Variants in PLD5 observed in about 807,000 individuals in gnomAD.
The protein encoded by PLD5 is inactive phospholipase D5.
In PLD5, 36 loss-of-function variants were observed where a neutral mutation model predicts 61.1. That is an observed-to-expected ratio of 0.59 (90% CI 0.45 to 0.78). The LOEUF (loss-of-function observed/expected upper bound fraction) is 0.78. Among genes scored for constraint, PLD5 ranks in the 30% least tolerant of loss-of-function variants. The probability of loss-of-function intolerance (pLI) is 0.00; values close to 1 mark genes in which losing one functional copy is unlikely to be tolerated. For missense variants in PLD5, 515 were observed against 644.4 expected (o/e 0.80, Z 2.17); for synonymous variants, 243 against 242.8 (o/e 1.00, Z -0.01).
At chr1:242,130,591 C>G (rs561225988) in intron 5 of PLD5, among the ~76,000 whole-genome samples, 3 of 152,298 alleles carry the variant, frequency 2.0e-5, no homozygotes, top group African/African-American at 7.2e-5. Context: ...TCCCTTTTCT[C>G]CATACCCTCA....
chr1:242,377,051 G>A, intron 1 of PLD5: 1 of 1,611,734 alleles, frequency 6.2e-7, no homozygotes, highest in South Asian at 1.1e-5. Flanking sequence ...CTGACACGGT[G>A]CCATCAGGGG....
chr1:242,400,039 G>T (rs1419390187), intron 1 of PLD5, among the ~76,000 whole-genome samples: 1 of 152,072 alleles, frequency 6.6e-6, no homozygotes, highest in African/African-American at 2.4e-5. Context: ...TTGGTGGCAG[G>T]CGCCTGTAAT....
At chr1:242,214,178 ACT>A (rs914812910) in intron 5 of PLD5, among the ~76,000 whole-genome samples, 25 of 152,106 alleles carry the variant, frequency 1.6e-4, no homozygotes, top group African/African-American at 5.8e-4. Flanking sequence ...ATGCTTTAAC[ACT>A]GTTTACTGAT....
intron 7 of PLD5, among the ~76,000 whole-genome samples, chr1:242,112,321 GTGTA>G (rs1240993231): frequency 3.2e-4 from 26 of 82,446 alleles, no homozygotes; most frequent in Non-Finnish European, 4.8e-4. Context: ...GTGTGTGTGT[GTGTA>G]TGTATGTATA....
rs533934996 is a variant in PLD5, at chr1:242,454,136, C to G, written c.189+69952G>C. On this transcript the variant is annotated intron_variant, in intron 1 of 9. Coordinates refer to ENST00000536534, the MANE Select transcript of PLD5 (RefSeq NM_001372062.1). Reference sequence around the variant, plus strand: ...CTTGAGGTCAGGAGTTTGAGACCAGCCTGGTCAGCATGGTGAGACCCCTGT... The same window carrying G: ...CTTGAGGTCAGGAGTTTGAGACCAGGCTGGTCAGCATGGTGAGACCCCTGT... 3.9e-5 allele frequency among the ~76,000 whole-genome samples: 6 copies of G among 152,134 alleles called. No individual in the cohort carries two copies. The South Asian group carries it at 1.2e-3, about 32-fold the overall frequency.
intron 1 of PLD5, among the ~76,000 whole-genome samples, chr1:242,523,681 T>C (rs1056175380): frequency 1.3e-5 from 2 of 152,194 alleles, no homozygotes; most frequent in Admixed American, 1.3e-4. Flanking sequence ...GTTTTTGGAC[T>C]GAGTAAAACA....
intron 1 of PLD5, among the ~76,000 whole-genome samples, chr1:242,509,728 A>C (rs1345600813): frequency 6.6e-6 from 1 of 152,108 alleles, no homozygotes; most frequent in East Asian, 1.9e-4. Flanking sequence ...AATTAATTTC[A>C]TTTTTTGGCT....
At chr1:242,394,898 T>TTATATATGTATA (rs1553366820) in intron 1 of PLD5, among the ~76,000 whole-genome samples, 1 of 102,614 alleles carries the variant, frequency 9.7e-6, no homozygotes, top group Admixed American at 1.3e-4. Flanking sequence ...ATATATATGA[T>TTATATATGTATA]TATATATGAA....
intron 1 of PLD5, among the ~76,000 whole-genome samples, chr1:242,451,743 AG>A (rs1392489684): frequency 1.3e-5 from 2 of 152,024 alleles, no homozygotes; most frequent in African/African-American, 4.8e-5. Flanking sequence ...TACAGGCTTG[AG>A]CCACCGCGCC....
At position 242,085,654 on chromosome 1, in the gene PLD5, G is replaced by A. The variant is rs1558200410; in HGVS notation, c.*4200C>T. ...AAAAGGTGTATAATAAAGCACACCA[G>A]TTCATTGGGAACAAGTACAGAAAGA... On this transcript the variant is annotated 3_prime_UTR_variant, in exon 10 of 10. Coordinates refer to ENST00000536534, the MANE Select transcript of PLD5 (RefSeq NM_001372062.1). The A allele has an allele frequency of 6.6e-6, 1 of 152,198 alleles. No homozygotes were observed. The highest frequency in any genetic ancestry group is 1.5e-5 in the Non-Finnish European group (1 of 68,038). 9.4% of individuals were successfully genotyped at this position (152,198 alleles called of 1,614,324 possible). A position where few individuals can be genotyped will look rare whatever the true frequency, so the allele number is the denominator to read the frequency against.
At chr1:242,502,033 C>CA (rs1429083813) in intron 1 of PLD5, among the ~76,000 whole-genome samples, 6 of 152,062 alleles carry the variant, frequency 3.9e-5, no homozygotes, top group African/African-American at 1.5e-4. Flanking sequence ...TGCTAAGACA[C>CA]AGTTTCTTGT....
At chr1:242,124,785 A>G (rs1662657174) in intron 5 of PLD5, 120 bp from the exon 6 acceptor site, 3 of 761,618 alleles carry the variant, frequency 3.9e-6, no homozygotes, top group East Asian at 5.4e-5. Context: ...ATTTGAAGTA[A>G]GTAGATATAG....
Position 242,163,833 on chromosome 1 carries a change from C to CAAGGGTCAGTCTCTTCACTGGAGAAAG in PLD5, c.736-39195_736-39169dup, listed in dbSNP as rs144336469. Reference sequence around the variant, plus strand: ...AGGATGAGCAGGGAGAGACGGGTAACAAGGGTCAGTCTCTTCACTGGAGAA... The same window carrying CAAGGGTCAGTCTCTTCACTGGAGAAAG: ...AGGATGAGCAGGGAGAGACGGGTAACAAGGGTCAGTCTCTTCACTGGAGAAAGAAGGGTCAGTCTCTTCACTGGAGAA... On this transcript the variant is annotated intron_variant, in intron 5 of 9. Coordinates refer to ENST00000536534, the MANE Select transcript of PLD5 (RefSeq NM_001372062.1). Among the ~76,000 whole-genome samples, 1,194 of 152,154 alleles carry CAAGGGTCAGTCTCTTCACTGGAGAAAG rather than the reference C, an allele frequency of 7.8e-3. 19 individuals carry two copies. The highest frequency in any genetic ancestry group is 0.027 in the African/African-American group (1,115 of 41,470).
Position 242,524,318 on chromosome 1 carries a change from G to T in PLD5, c.-42C>A, listed in dbSNP as rs1669376244. 2 of 1,367,540 alleles carry T rather than the reference G, an allele frequency of 1.5e-6. No individual in the cohort carries two copies. Among genetic ancestry groups the T allele is most frequent in the Admixed American group, 7.5e-5 (2 of 26,574 alleles). 84.7% of individuals were successfully genotyped at this position (1,367,540 alleles called of 1,614,324 possible). A position where few individuals can be genotyped will look rare whatever the true frequency, so the allele number is the denominator to read the frequency against. The stretch of plus-strand genomic sequence containing the variant: ...GGCCGCCGGCGAGCAGCGGACTCGG[G>T]ACGGGCGCGCGGGGAGCCGGGCGCG... On this transcript the variant is annotated 5_prime_UTR_variant, in exon 1 of 10. Coordinates refer to ENST00000536534, the MANE Select transcript of PLD5 (RefSeq NM_001372062.1).
At chr1:242,315,158 G>C (rs939948618) in intron 2 of PLD5, among the ~76,000 whole-genome samples, 3 of 152,118 alleles carry the variant, frequency 2.0e-5, no homozygotes, top group African/African-American at 7.2e-5. Context: ...TCTGCAGTGG[G>C]GAATTTATGC....
chr1:242,529,266 G>T (rs1049376706), upstream of PLD5, among the ~76,000 whole-genome samples: 3 of 152,102 alleles, frequency 2.0e-5, no homozygotes, highest in Non-Finnish European at 4.4e-5. Flanking sequence ...AGTTATTATT[G>T]ATTAGTTATA....
intron 1 of PLD5, among the ~76,000 whole-genome samples, chr1:242,457,151 AACAG>A (rs1302711930): frequency 2.6e-5 from 4 of 152,154 alleles, no homozygotes; most frequent in African/African-American, 4.8e-5. Flanking sequence ...GTGAACTCGA[AACAG>A]ACAATGGTCC....
chr1:242,490,768 C>T (rs1319978684), intron 1 of PLD5, among the ~76,000 whole-genome samples: 1 of 152,084 alleles, frequency 6.6e-6, no homozygotes, highest in African/African-American at 2.4e-5. Flanking sequence ...GAAAACCTAC[C>T]GCTACGTCAT....
At chr1:242,278,714 T>C (rs950726287) in intron 3 of PLD5, among the ~76,000 whole-genome samples, 3 of 152,144 alleles carry the variant, frequency 2.0e-5, no homozygotes, top group Non-Finnish European at 2.9e-5. Context: ...CTTTGAGCTC[T>C]ATGGAGGTAG....
Sources: allele counts gnomAD v4.1 joint callset (sites outside exome capture counted in the v4.1 genomes callset), GRCh38; gene constraint gnomAD v4.1.1; transcripts MANE v1.5; gene names NCBI Gene and HGNC (gene_info 2026-07-23, HGNC 2026-07-21).